BCAS3: variants seen among roughly 807,000 people sequenced by gnomAD.
BCAS3 encodes the protein BCAS4/BCAS3 fusion.
BCAS3 carries 53 observed loss-of-function variants against 116.1 expected under a neutral mutation model. The ratio of observed to expected loss-of-function variants is 0.46; its 90% confidence interval spans 0.37 to 0.57. BCAS3 has a LOEUF of 0.57. Ranked by LOEUF, BCAS3 falls within the 20% of genes least tolerant of loss-of-function variation. The pLI, the probability that BCAS3 is intolerant of heterozygous loss-of-function variation, is 0.00. For synonymous variants in BCAS3, 391 were observed against 408.2 expected (o/e 0.96, Z 0.51); for missense variants, 917 against 1,165.4 (o/e 0.79, Z 3.10).
In BCAS3 at chr17:61,266,339, A is replaced by T. The variant is rs570008996; in HGVS notation, c.2426-101988A>T. 3.3e-5 allele frequency among the ~76,000 whole-genome samples: 5 copies of T among 152,360 alleles called. No homozygotes were observed. The South Asian group carries it at 1.0e-3, about 32-fold the overall frequency. On this transcript the variant is annotated intron_variant, in intron 22 of 23. Coordinates refer to ENST00000407086, the MANE Select transcript of BCAS3 (RefSeq NM_017679.5). ...GAGACACACACCATCCACACACATGATCATTAGTGGACAGAGAAAACGGCC... is the reference window on the plus strand; with the variant it reads ...GAGACACACACCATCCACACACATGTTCATTAGTGGACAGAGAAAACGGCC...
chr17:60,854,397 C>A (rs1455935598), intron 7 of BCAS3, among the ~76,000 whole-genome samples: 1 of 152,122 alleles, frequency 6.6e-6, no homozygotes, highest in African/African-American at 2.4e-5. Context: ...GATTTATAAT[C>A]CTTTGGGTAT....
intron 14 of BCAS3, among the ~76,000 whole-genome samples, chr17:60,984,434 G>A (rs1227547585): frequency 1.3e-5 from 2 of 152,030 alleles, no homozygotes; most frequent in East Asian, 3.9e-4. Context: ...TTATTATAAT[G>A]AAGCTAATAT....
intron 19 of BCAS3, among the ~76,000 whole-genome samples, chr17:61,045,819 CTCTT>C (rs1270841606): frequency 1.6e-4 from 8 of 50,354 alleles, no homozygotes; most frequent in African/African-American, 6.4e-4. Flanking sequence ...GACTTCATCT[CTCTT>C]TCTCTCTCTC....
intron 5 of BCAS3, among the ~76,000 whole-genome samples, chr17:60,711,184 G>A (rs1170416612): frequency 1.3e-5 from 2 of 150,960 alleles, no homozygotes; most frequent in Non-Finnish European, 2.9e-5. Flanking sequence ...TTTACTTTGC[G>A]GAGATAGAAG....
chr17:60,684,578 C>G (rs2033747598), intron 3 of BCAS3, among the ~76,000 whole-genome samples: 1 of 151,790 alleles, frequency 6.6e-6, no homozygotes, highest in Admixed American at 6.6e-5. Flanking sequence ...ATACTATTGC[C>G]AAACTTAACA....
At position 61,134,299 on chromosome 17, in the gene BCAS3, A is replaced by G. The variant is rs2076501588; in HGVS notation, c.2425+49735A>G. Among the ~76,000 whole-genome samples, 1 of 152,192 alleles carries G rather than the reference A, an allele frequency of 6.6e-6. No homozygotes were observed. Among genetic ancestry groups the G allele is most frequent in the Non-Finnish European group, 1.5e-5 (1 of 68,026 alleles). On this transcript the variant is annotated intron_variant, in intron 22 of 23. Transcript: ENST00000407086. This position sits in a 1 kb window ranked among gnomAD's most constrained non-coding sequence, Gnocchi z 4.6. Reference sequence around the variant, plus strand: ...ATTTTTTAAAAATCAACTGTTAGGCACTGTGCTCAGACTTTATGAGCATTG... The same window carrying G: ...ATTTTTTAAAAATCAACTGTTAGGCGCTGTGCTCAGACTTTATGAGCATTG...
intron 7 of BCAS3, among the ~76,000 whole-genome samples, chr17:60,826,205 A>G (rs1018349283): frequency 6.6e-6 from 1 of 151,528 alleles, no homozygotes; most frequent in Non-Finnish European, 1.5e-5. Flanking sequence ...TAATTTTGAG[A>G]CAGAGTGTCG....
At chr17:61,334,672 A>G (rs569183408) in intron 22 of BCAS3, among the ~76,000 whole-genome samples, 4 of 145,164 alleles carry the variant, frequency 2.8e-5, no homozygotes, top group South Asian at 4.3e-4. Context: ...CTCAAAAAAA[A>G]AAAAAAAAAA....
chr17:61,322,011 G>A (rs948217622), intron 22 of BCAS3, among the ~76,000 whole-genome samples: 10 of 151,994 alleles, frequency 6.6e-5, no homozygotes, highest in Non-Finnish European at 1.2e-4. Context: ...TCAGCTCACC[G>A]CAACTTCCGC....
chr17:61,237,034 A>G (rs1226632602), intron 22 of BCAS3, among the ~76,000 whole-genome samples: 1 of 152,240 alleles, frequency 6.6e-6, no homozygotes, highest in Non-Finnish European at 1.5e-5. Context: ...GCCATTAAAA[A>G]GTTATCTTTT....
chr17:60,697,155 G>A (rs1204094237), intron 4 of BCAS3, among the ~76,000 whole-genome samples: 1 of 152,050 alleles, frequency 6.6e-6, no homozygotes. Context: ...GTGTCACTGC[G>A]CTTCAGACTG....
intron 22 of BCAS3, among the ~76,000 whole-genome samples, chr17:61,110,135 A>C (rs1726119349): frequency 6.6e-6 from 1 of 152,198 alleles, no homozygotes; most frequent in African/African-American, 2.4e-5. Flanking sequence ...ATAAGGTGAG[A>C]GAAGAGCATG....
In BCAS3 at chr17:60,888,286, T is replaced by G. The variant is rs576529347; in HGVS notation, c.662-1409T>G. On this transcript the variant is annotated intron_variant, in intron 9 of 23. Coordinates refer to ENST00000407086, the MANE Select transcript of BCAS3 (RefSeq NM_017679.5). ...TAGGACCCTTTTGTATTTGTGAGGT[T>G]AAAGTGGTTATCAGAATTTATTGAG... Among the ~76,000 whole-genome samples, 3 of 152,358 alleles carry G rather than the reference T, an allele frequency of 2.0e-5. No homozygotes were observed. The East Asian group carries it at 5.8e-4, about 29-fold the overall frequency.
intron 6 of BCAS3, among the ~76,000 whole-genome samples, chr17:60,766,166 G>A (rs937224048): frequency 6.6e-6 from 1 of 152,056 alleles, no homozygotes; most frequent in Non-Finnish European, 1.5e-5. Flanking sequence ...TATTATTACC[G>A]ACTTTCTGAA....
At chr17:60,851,519 C>T (rs1358441485) in intron 7 of BCAS3, 3 of 601,510 alleles carry the variant, frequency 5.0e-6, no homozygotes, top group Non-Finnish European at 6.3e-6. Context: ...AGCATTGAAA[C>T]CACCATCTGT....
Position 60,841,380 on chromosome 17 carries a change from CTTTT to C in BCAS3, c.477-27182_477-27179del, listed in dbSNP as rs1220454180. ...TTAGAACAACATTTATCTTCTCATA[CTTTT>C]TTTTTTTTTTTTTGAGACCGAGTCT... On this transcript the variant is annotated intron_variant, in intron 7 of 23. Transcript: ENST00000407086. Among the ~76,000 whole-genome samples the C allele has an allele frequency of 2.2e-5, 3 of 137,892 alleles. No homozygotes were observed. In the Admixed American group the frequency reaches 2.2e-4, roughly 10 times the overall value. 90.5% of individuals were successfully genotyped at this position (137,892 alleles called of 152,430 possible).
rs1223354265 is a variant in BCAS3 at position 61,037,112 on chromosome 17, T to G, written c.1763-777T>G. ...TTTGTTTTGATCCACAAATTTAAGT[T>G]CTAAATTTAAGTCTTCTGAGAAAAA... On this transcript the variant is annotated intron_variant, in intron 17 of 23. Coordinates refer to ENST00000407086, the MANE Select transcript of BCAS3 (RefSeq NM_017679.5). The surrounding 1 kb of genome is among the most constrained non-coding windows in gnomAD (Gnocchi z 4.7). Among the ~76,000 whole-genome samples the G allele has an allele frequency of 2.0e-5, 3 of 152,134 alleles. No homozygotes were observed. The highest frequency in any genetic ancestry group is 4.4e-5 in the Non-Finnish European group (3 of 68,014).
chr17:60,742,735 C>T (rs1425178760), intron 5 of BCAS3, among the ~76,000 whole-genome samples: 1 of 151,810 alleles, frequency 6.6e-6, no homozygotes, highest in Non-Finnish European at 1.5e-5. Context: ...TGCCTGGCCT[C>T]CTTGACATCT....
At chr17:61,015,962 T>A in intron 16 of BCAS3, 61 bp downstream of exon 16, 1 of 1,482,576 alleles carries the variant, frequency 6.7e-7, no homozygotes, top group Non-Finnish European at 9.2e-7. Flanking sequence ...TGAATAAAAA[T>A]AAAACATACT....
Sources: allele counts gnomAD v4.1 joint callset (sites outside exome capture counted in the v4.1 genomes callset), GRCh38; gene constraint gnomAD v4.1.1; non-coding constraint Gnocchi (gnomAD v3.1); transcripts MANE v1.5; gene names NCBI Gene and HGNC (gene_info 2026-07-23, HGNC 2026-07-21).